The following AOAH variants were observed in gnomAD, a reference collection of about 807,000 sequenced individuals.
The protein encoded by AOAH is acyloxyacyl hydrolase.
Under a neutral mutation model 92.2 loss-of-function variants are expected in AOAH, and 64 were observed. That is an observed-to-expected ratio of 0.69 (90% CI 0.57 to 0.86). The LOEUF (loss-of-function observed/expected upper bound fraction) is 0.86, where lower values mean the gene tolerates loss of function less well. AOAH is among the 40% of genes least tolerant of loss of function. The probability of loss-of-function intolerance (pLI) is 0.00; values close to 1 mark genes in which losing one functional copy is unlikely to be tolerated. For missense variants in AOAH, 656 were observed against 694.6 expected (o/e 0.94, Z 0.62); for synonymous variants, 263 against 254.5 (o/e 1.03, Z -0.32).
chr7:36,641,584 G>T (rs1793922320), intron 4 of AOAH, among the ~76,000 whole-genome samples: 1 of 152,182 alleles, frequency 6.6e-6, no homozygotes, highest in African/African-American at 2.4e-5. Flanking sequence ...TCCTTTGAAA[G>T]CTCGCTACAA....
In AOAH at chr7:36,659,318, A is replaced by G. The variant is rs892708116; in HGVS notation, c.291-53T>C. ...CTATTCAGATCTCTTAGGCATTAGGAAACAGAAGCTACTGCAAAGAAAGGT... is the reference window on the plus strand; with the variant it reads ...CTATTCAGATCTCTTAGGCATTAGGGAACAGAAGCTACTGCAAAGAAAGGT... On this transcript the variant is annotated intron_variant, in intron 3 of 20. Coordinates refer to ENST00000617537, the MANE Select transcript of AOAH (RefSeq NM_001637.4). 11 of 1,407,944 alleles carry G rather than the reference A, an allele frequency of 7.8e-6. No individual in the cohort carries two copies. The African/African-American group carries it at 1.6e-4, about 20-fold the overall frequency. 87.2% of individuals were successfully genotyped at this position (1,407,944 alleles called of 1,614,324 possible).
chr7:36,564,746 A>G lies in AOAH; in HGVS notation c.1021+11828T>C, dbSNP rs114792814. ...TTCCCTCTGTAGTTGTGCTGTTTCA[A>G]GCAGTGCAGGATAAAAATCTTGACA... On this transcript the variant is annotated intron_variant, in intron 13 of 20. Coordinates refer to ENST00000617537, the MANE Select transcript of AOAH (RefSeq NM_001637.4). Among the ~76,000 whole-genome samples, 487 of 152,378 alleles carry G rather than the reference A, an allele frequency of 3.2e-3. 1 individual carries two copies. The highest frequency in any genetic ancestry group is 0.011 in the African/African-American group (468 of 41,598).
rs143664299 is a variant in AOAH, at chr7:36,643,786, C to T, written c.391-5876G>A. ...CCCTTCTCATGATAGTGGGTGAGTT[C>T]TCATGAGATCTGGTTGTTTAAAAGG... is the stretch of plus-strand genomic sequence containing the variant. On this transcript the variant is annotated intron_variant, in intron 4 of 20. Coordinates refer to ENST00000617537, the MANE Select transcript of AOAH (RefSeq NM_001637.4). Among the ~76,000 whole-genome samples, 639 of 152,106 alleles carry T rather than the reference C, an allele frequency of 4.2e-3. 2 individuals are homozygous for T. The highest frequency in any genetic ancestry group is 0.034 in the Middle Eastern group (10 of 292).
intron 4 of AOAH, among the ~76,000 whole-genome samples, chr7:36,649,685 A>G (rs1425180034): frequency 1.3e-5 from 2 of 151,996 alleles, no homozygotes; most frequent in East Asian, 3.9e-4. Context: ...CTCTGTTTTC[A>G]CTCTATTAAA....
intron 20 of AOAH, 114 bp from the exon 21 acceptor site, chr7:36,513,494 C>A (rs1790162617): frequency 1.0e-6 from 1 of 1,003,500 alleles, no homozygotes; most frequent in Admixed American, 2.4e-5. Context: ...CCCCATGACT[C>A]CCACCCCCAT....
At chr7:36,520,166 T>A (rs911268235) in intron 20 of AOAH, among the ~76,000 whole-genome samples, 1 of 152,236 alleles carries the variant, frequency 6.6e-6, no homozygotes, top group Non-Finnish European at 1.5e-5. Flanking sequence ...AAGTACAAGA[T>A]AGAGGCCCAA....
intron 2 of AOAH, among the ~76,000 whole-genome samples, chr7:36,678,600 T>TGTGTGTGTGTGTGTGTGTGTGTGAGC (rs549317369): frequency 7.6e-6 from 1 of 131,034 alleles, no homozygotes; most frequent in Non-Finnish European, 1.7e-5. Context: ...TGTGTGTGTG[T>TGTGTGTGTGTGTGTGTGTGTGTGAGC]GCGCGCGCGC....
At chr7:36,559,724 C>T (rs1403208158) in intron 13 of AOAH, among the ~76,000 whole-genome samples, 2 of 152,028 alleles carry the variant, frequency 1.3e-5, no homozygotes, top group Non-Finnish European at 2.9e-5. Flanking sequence ...CTTTTGCTGT[C>T]CAGAAGCTCT....
intron 3 of AOAH, among the ~76,000 whole-genome samples, chr7:36,660,569 G>A (rs924725740): frequency 1.3e-5 from 2 of 152,046 alleles, no homozygotes; most frequent in Admixed American, 6.6e-5. Context: ...CACCCACCTC[G>A]GCCTCCCAAA....
intron 1 of AOAH, among the ~76,000 whole-genome samples, chr7:36,709,159 A>T (rs1027128301): frequency 6.6e-6 from 1 of 152,128 alleles, no homozygotes; most frequent in Non-Finnish European, 1.5e-5. Flanking sequence ...CCGTTGCTTC[A>T]TCAGGGATCA....
rs1791744910 is a variant in AOAH at position 36,614,876 on chromosome 7, A to G, written c.846+1504T>C. On this transcript the variant is annotated intron_variant, in intron 11 of 20. Coordinates refer to ENST00000617537, the MANE Select transcript of AOAH (RefSeq NM_001637.4). The surrounding 1 kb of genome is among the most constrained non-coding windows in gnomAD (Gnocchi z 4.2). Reference sequence around the variant, plus strand: ...CACCTGACTGCTGTGGACTGGGGAGACAGGCCCTGGGAAGGAGAGATTCCT... The same window carrying G: ...CACCTGACTGCTGTGGACTGGGGAGGCAGGCCCTGGGAAGGAGAGATTCCT... 6.6e-6 allele frequency among the ~76,000 whole-genome samples: 1 copy of G among 152,114 alleles called. No homozygotes were observed.
intron 2 of AOAH, among the ~76,000 whole-genome samples, chr7:36,680,829 A>C (rs139896894): frequency 1.3e-5 from 2 of 152,184 alleles, no homozygotes; most frequent in Non-Finnish European, 2.9e-5. Context: ...ACTGAAAACC[A>C]AAATATTTAT....
intron 11 of AOAH, among the ~76,000 whole-genome samples, chr7:36,615,881 C>CTTT (rs34306027): frequency 0.029 from 4,244 of 146,314 alleles, 204 homozygotes; most frequent in African/African-American, 0.099. Context: ...TGGCCCTCTT[C>CTTT]TTTTTTTTTT....
At position 36,587,469 on chromosome 7, in the gene AOAH, A is replaced by T. The variant is rs1215061904; in HGVS notation, c.938+6870T>A. ...CAAGGTGGAAGCTGAAATTATATCA[A>T]TTATCTTTAATACCTTGTTACGTTA... On this transcript the variant is annotated intron_variant, in intron 12 of 20. Coordinates refer to ENST00000617537, the MANE Select transcript of AOAH (RefSeq NM_001637.4). Among the ~76,000 whole-genome samples, 3 of 152,106 alleles carry T rather than the reference A, an allele frequency of 2.0e-5. No individual in the cohort carries two copies. The East Asian group carries it at 5.8e-4, about 29-fold the overall frequency.
intron 12 of AOAH, among the ~76,000 whole-genome samples, chr7:36,592,950 C>T (rs1311909380): frequency 6.6e-6 from 1 of 152,158 alleles, no homozygotes; most frequent in Non-Finnish European, 1.5e-5. Flanking sequence ...CCTATATTGG[C>T]AGATTATTTC....
intron 19 of AOAH, among the ~76,000 whole-genome samples, chr7:36,528,907 T>C (rs1784536540): frequency 6.6e-6 from 1 of 152,198 alleles, no homozygotes; most frequent in Non-Finnish European, 1.5e-5. Context: ...ACCTGTGGGT[T>C]GTGTTTGAAT....
chr7:36,598,881 T>C (rs973388653), intron 11 of AOAH, among the ~76,000 whole-genome samples: 2 of 152,196 alleles, frequency 1.3e-5, no homozygotes, highest in Non-Finnish European at 1.5e-5. Context: ...GAATGCAAAT[T>C]AAGATTTTCC....
At chr7:36,578,777 T>C (rs889684385) in intron 12 of AOAH, among the ~76,000 whole-genome samples, 3 of 152,262 alleles carry the variant, frequency 2.0e-5, no homozygotes, top group African/African-American at 7.2e-5. Context: ...CTTTTGTTTC[T>C]TTCCTTAATT....
chr7:36,557,059 G>A (rs11762731), intron 13 of AOAH, among the ~76,000 whole-genome samples: 8,166 of 152,134 alleles, frequency 0.054, 260 homozygotes, highest in East Asian at 0.15. Flanking sequence ...CTCGTTAGTT[G>A]ATGCAGTTTC....
Sources: gnomAD v4.1 joint callset for allele counts (sites outside exome capture counted in the v4.1 genomes callset) on GRCh38, gnomAD v4.1.1 for gene constraint, Gnocchi (gnomAD v3.1) non-coding constraint, MANE v1.5 for transcripts, NCBI Gene and HGNC (gene_info 2026-07-23, HGNC 2026-07-21) for gene names.